AGTPBP1: variants seen among roughly 807,000 people sequenced by gnomAD.
AGTPBP1 encodes the protein cytosolic carboxypeptidase 1.
Under a neutral mutation model 143.9 loss-of-function variants are expected in AGTPBP1, and 70 were observed. The observed-to-expected ratio is 0.49, with a 90% CI of 0.40 to 0.59. AGTPBP1 has a LOEUF of 0.59. AGTPBP1 is among the 20% of genes least tolerant of loss of function. The pLI, the probability that AGTPBP1 is intolerant of heterozygous loss-of-function variation, is 0.00. For synonymous variants in AGTPBP1, 463 were observed against 500.2 expected, an observed-to-expected ratio of 0.93 and a Z score of 0.99; for missense variants, 1,229 against 1,464.5, an observed-to-expected ratio of 0.84 and a Z score of 2.62.
At chr9:85,586,640 G>A (rs767066823) in intron 22 of AGTPBP1, among the ~76,000 whole-genome samples, 191 bp downstream of exon 22, 1 of 152,074 alleles carries the variant, frequency 6.6e-6, no homozygotes, top group Non-Finnish European at 1.5e-5. Flanking sequence ...ACAACCAAGA[G>A]TTATCAATAT....
the AGTPBP1 span, among the ~76,000 whole-genome samples, chr9:85,772,396 A>G: frequency 1.3e-5 from 2 of 152,096 alleles, no homozygotes; most frequent in Non-Finnish European, 2.9e-5. Flanking sequence ...GTTCTGTGAT[A>G]TAGACATTGT....
chr9:85,770,367 T>C, the AGTPBP1 span: 3 of 1,606,006 alleles, frequency 1.9e-6, no homozygotes, highest in Admixed American at 1.7e-5. Flanking sequence ...GTATCCAGAA[T>C]TGCCAGAAGT....
rs891000169 is a variant in AGTPBP1 at position 85,655,479 on chromosome 9, A to G, written c.910-159T>C. 1.5e-4 allele frequency among the ~76,000 whole-genome samples: 23 copies of G among 152,358 alleles called. No homozygotes were observed. The East Asian group carries it at 4.2e-3, about 28-fold the overall frequency. ...AGAATAATTACAAAATAGCTTTACT[A>G]TTCAGAATTATCTATCTGTAAGTAA... On this transcript the variant is annotated intron_variant, in intron 10 of 25. Coordinates refer to ENST00000357081, the MANE Select transcript of AGTPBP1 (RefSeq NM_001330701.2).
At chr9:85,773,573 A>C in the AGTPBP1 span, among the ~76,000 whole-genome samples, 1 of 151,716 alleles carries the variant, frequency 6.6e-6, no homozygotes, top group South Asian at 2.1e-4. Context: ...CCTCACCTCA[A>C]GTGATCCCCC....
At chr9:85,625,908 T>TG (rs1554708768) in intron 14 of AGTPBP1, among the ~76,000 whole-genome samples, 16 of 136,758 alleles carry the variant, frequency 1.2e-4, no homozygotes, top group Admixed American at 1.1e-3. Flanking sequence ...AGTTTTGTTT[T>TG]TTTTTTTTTT....
intron 1 of AGTPBP1, among the ~76,000 whole-genome samples, chr9:85,728,019 A>G (rs995477442): frequency 2.2e-5 from 3 of 135,182 alleles, no homozygotes; most frequent in Non-Finnish European, 4.6e-5. Context: ...GTCTCAAAAT[A>G]TATATTTATA....
intron 17 of AGTPBP1, among the ~76,000 whole-genome samples, chr9:85,600,613 C>T (rs1232122683): frequency 6.6e-6 from 1 of 152,052 alleles, no homozygotes; most frequent in Non-Finnish European, 1.5e-5. Context: ...CTCAGTGGTC[C>T]ACATCCGCAC....
chr9:85,712,442 G>C lies in AGTPBP1; in HGVS notation c.32+60C>G, dbSNP rs910508031. On this transcript the variant is annotated intron_variant, in intron 2 of 25. Transcript: ENST00000357081. The stretch of plus-strand genomic sequence containing the variant: ...TACTTTGTCAAGTATTGAGTTTCAA[G>C]TAATTCTGTCATACATTATTTCTGT... The C allele has an allele frequency of 4.6e-6, 4 of 864,898 alleles. No homozygotes were observed. In the Admixed American group the frequency reaches 9.2e-5, roughly 20 times the overall value. The allele number at this position is 864,898 out of a possible 1,614,324, so 53.6% of individuals were successfully genotyped here.
At chr9:85,695,350 C>T (rs1223332711) in intron 2 of AGTPBP1, among the ~76,000 whole-genome samples, 2 of 152,054 alleles carry the variant, frequency 1.3e-5, no homozygotes, top group Non-Finnish European at 2.9e-5. Flanking sequence ...TTTGTTACCA[C>T]AGAAAATAAA....
At chr9:85,549,915 T>TGGA (rs1244585983) in intron 25 of AGTPBP1, among the ~76,000 whole-genome samples, 1 of 152,224 alleles carries the variant, frequency 6.6e-6, no homozygotes, top group East Asian at 1.9e-4. Flanking sequence ...AGTAAGAGTA[T>TGGA]GGAGCTGGTC....
chr9:85,626,093 A>G (rs540708291), intron 14 of AGTPBP1, among the ~76,000 whole-genome samples: 62 of 151,306 alleles, frequency 4.1e-4, no homozygotes, highest in African/African-American at 1.5e-3. Context: ...GATAAATTTA[A>G]TTTTAATTTT....
intron 25 of AGTPBP1, among the ~76,000 whole-genome samples, chr9:85,573,337 C>T (rs933700326): frequency 1.3e-5 from 2 of 152,214 alleles, no homozygotes; most frequent in African/African-American, 4.8e-5. Flanking sequence ...AGCTCCTAAC[C>T]GCGAGTGATC....
chr9:85,721,700 T>C (rs1205988544), intron 1 of AGTPBP1, among the ~76,000 whole-genome samples: 1 of 152,212 alleles, frequency 6.6e-6, no homozygotes, highest in African/African-American at 2.4e-5. Flanking sequence ...TGTGTGAATT[T>C]AATCCTGTCA....
intron 25 of AGTPBP1, chr9:85,554,036 G>A (rs1826185688): frequency 6.6e-6 from 1 of 152,234 alleles, no homozygotes; most frequent in East Asian, 1.9e-4. Context: ...GACCACCATA[G>A]GGTTAGTGAT....
the AGTPBP1 span, among the ~76,000 whole-genome samples, chr9:85,796,274 C>G: frequency 2.6e-5 from 4 of 152,144 alleles, no homozygotes; most frequent in Admixed American, 2.0e-4. Flanking sequence ...AGCCCTAGTA[C>G]TAAAATCTTT....
chr9:85,788,297 T>C, the AGTPBP1 span, among the ~76,000 whole-genome samples: 8,206 of 150,928 alleles, frequency 0.054, 728 homozygotes, highest in African/African-American at 0.18. Context: ...TCCACTTTTA[T>C]AAATTTATGT....
intron 2 of AGTPBP1, among the ~76,000 whole-genome samples, chr9:85,711,794 G>A (rs980994434): frequency 5.9e-5 from 9 of 152,102 alleles, no homozygotes; most frequent in African/African-American, 2.2e-4. Context: ...TGTGGGCCAT[G>A]CAGTCCCTGT....
At chr9:85,577,839 G>C (rs1827993233) in intron 24 of AGTPBP1, among the ~76,000 whole-genome samples, 1 of 152,078 alleles carries the variant, frequency 6.6e-6, no homozygotes, top group Admixed American at 6.6e-5. Flanking sequence ...GTTTGTTACA[G>C]ACTGAAAAAG....
the AGTPBP1 span, among the ~76,000 whole-genome samples, chr9:85,787,583 A>G: frequency 2.0e-5 from 3 of 152,122 alleles, no homozygotes; most frequent in Non-Finnish European, 4.4e-5. Context: ...ATTTTACTAT[A>G]TAATGTACAA....
Sources: gnomAD v4.1 joint callset for allele counts (sites outside exome capture counted in the v4.1 genomes callset) on GRCh38, gnomAD v4.1.1 for gene constraint, MANE v1.5 for transcripts, NCBI Gene and HGNC (gene_info 2026-07-23, HGNC 2026-07-21) for gene names.